TRMT9B: variants seen among roughly 807,000 people sequenced by gnomAD.
TRMT9B encodes tRNA methyltransferase 9B (putative), also known as probable tRNA methyltransferase 9B.
TRMT9B carries 16 observed loss-of-function variants against 11.5 expected under a neutral mutation model. The observed-to-expected ratio is 1.39, with a 90% CI of 0.94 to 2.11. TRMT9B has a LOEUF of 2.11. Ranked by LOEUF, TRMT9B falls within the 30% of genes most tolerant of loss-of-function variation. TRMT9B has a pLI of 0.00. For synonymous variants in TRMT9B, 274 were observed against 192.4 expected, an observed-to-expected ratio of 1.42 and a Z score of -3.51; for missense variants, 941 against 553.8, an observed-to-expected ratio of 1.70 and a Z score of -7.02.
chr8:13,001,854 G>T (rs2128886654), intron 2 of TRMT9B, among the ~76,000 whole-genome samples: 1 of 152,248 alleles, frequency 6.6e-6, no homozygotes, highest in East Asian at 1.9e-4. Flanking sequence ...ACACAGATTA[G>T]GAATCCTGGC....
intron 1 of TRMT9B, among the ~76,000 whole-genome samples, chr8:12,953,592 A>G (rs980670701): frequency 1.3e-5 from 2 of 152,136 alleles, no homozygotes; most frequent in African/African-American, 4.8e-5. Context: ...ACCTCAAATG[A>G]TCCACCCACC....
chr8:13,019,570 T>G (rs768519947), intron 4 of TRMT9B, among the ~76,000 whole-genome samples: 3 of 152,174 alleles, frequency 2.0e-5, no homozygotes, highest in Non-Finnish European at 2.9e-5. Context: ...CTGGGATTAC[T>G]GGCATGAGCC....
chr8:13,007,472 T>C (rs1174825052), intron 3 of TRMT9B: 1 of 152,142 alleles, frequency 6.6e-6, no homozygotes, highest in Non-Finnish European at 1.5e-5. Context: ...AAGTCTGTAG[T>C]TGCAAAGTGT....
At chr8:12,986,795 T>C (rs979292333) in intron 1 of TRMT9B, among the ~76,000 whole-genome samples, 6 of 152,226 alleles carry the variant, frequency 3.9e-5, no homozygotes. Flanking sequence ...GTCCTATTAA[T>C]TTGGTTCTTT....
chr8:12,985,948 C>A (rs565248322), intron 1 of TRMT9B, among the ~76,000 whole-genome samples: 53 of 152,216 alleles, frequency 3.5e-4, no homozygotes, highest in Non-Finnish European at 5.9e-4. Flanking sequence ...GCAACCTCCG[C>A]CTCCCAGGTT....
At chr8:13,019,729 A>T (rs1813453757) in intron 4 of TRMT9B, among the ~76,000 whole-genome samples, 1 of 152,222 alleles carries the variant, frequency 6.6e-6, no homozygotes, top group Non-Finnish European at 1.5e-5. Flanking sequence ...TATGCTTTCA[A>T]ATGAGCCATA....
chr8:12,970,623 A>C (rs1359192534), intron 1 of TRMT9B, among the ~76,000 whole-genome samples: 1 of 152,226 alleles, frequency 6.6e-6, no homozygotes, highest in Admixed American at 6.5e-5. Context: ...TGAGATGGTT[A>C]ATGCAGCTGT....
chr8:12,949,070 G>A (rs547633172), intron 1 of TRMT9B, among the ~76,000 whole-genome samples: 21 of 152,276 alleles, frequency 1.4e-4, no homozygotes, highest in African/African-American at 4.6e-4. Flanking sequence ...CAGAGAAAAC[G>A]TATTGTTTCT....
intron 4 of TRMT9B, among the ~76,000 whole-genome samples, chr8:13,018,724 T>C (rs1813270933): frequency 6.6e-6 from 1 of 152,196 alleles, no homozygotes; most frequent in Non-Finnish European, 1.5e-5. Context: ...TGTTTCTGTT[T>C]AAAGACAGTT....
intron 4 of TRMT9B, among the ~76,000 whole-genome samples, chr8:13,016,999 C>G (rs1179328292): frequency 6.6e-6 from 1 of 151,320 alleles, no homozygotes; most frequent in African/African-American, 2.4e-5. Flanking sequence ...TAGTGCATGC[C>G]TGTAATCTCA....
chr8:13,001,353 G>A (rs1309800520), intron 2 of TRMT9B, among the ~76,000 whole-genome samples: 1 of 152,178 alleles, frequency 6.6e-6, no homozygotes, highest in Non-Finnish European at 1.5e-5. Flanking sequence ...GGAGGCACAA[G>A]GCTCAGAAGC....
At chr8:12,965,551 C>T (rs1802697147) in intron 1 of TRMT9B, among the ~76,000 whole-genome samples, 1 of 152,090 alleles carries the variant, frequency 6.6e-6, no homozygotes, top group Non-Finnish European at 1.5e-5. Context: ...GCTGACCTGT[C>T]TGATGACCCG....
rs143993760 is a variant in TRMT9B at position 13,004,171 on chromosome 8, G to C, written c.-1-2031G>C. 2.1e-4 allele frequency among the ~76,000 whole-genome samples: 32 copies of C among 152,062 alleles called. 1 individual carries two copies. Among genetic ancestry groups the C allele is most frequent in the African/African-American group, 5.5e-4 (23 of 41,540 alleles). On this transcript the variant is annotated intron_variant, in intron 2 of 4. Transcript: ENST00000524591. ...AGCAGTCTGAACTTGAGTTCCGGCA[G>C]GCCTCACCACTGTAGGCTAAAGGGC... is the stretch of plus-strand genomic sequence containing the variant.
intron 1 of TRMT9B, among the ~76,000 whole-genome samples, chr8:12,980,190 C>T (rs969447216): frequency 6.6e-6 from 1 of 152,114 alleles, no homozygotes; most frequent in East Asian, 1.9e-4. Flanking sequence ...GCGGGGCCTG[C>T]TCCCTTTGAA....
Position 13,021,823 on chromosome 8 carries a change from G to C in TRMT9B, c.1144G>C (p.Val382Leu). Residue 382 changes from valine (V) to leucine (L), a missense_variant, in exon 5 of 5, where the codon GTT becomes CTT. Physicochemically the swap from Val to Leu is conservative, Grantham distance 32. Coordinates refer to ENST00000524591, the MANE Select transcript of TRMT9B (RefSeq NM_020844.3). ...TAAAATATTGAGAAGGATTTCTGCA[G>C]TTGATTCCACAGATTTCAACCCAGA... ...ASKILRRISA[V>L]DSTDFNPDDT... 2 of 1,613,724 alleles carry C rather than the reference G, an allele frequency of 1.2e-6. No individual in the cohort carries two copies. Among genetic ancestry groups the C allele is most frequent in the Non-Finnish European group, 1.7e-6 (2 of 1,179,732 alleles).
rs61536433 is a variant in TRMT9B, at chr8:12,959,516, CTTTTTTTTT to C, written c.-200+13565_-200+13573del. On this transcript the variant is annotated intron_variant, in intron 1 of 4. Transcript: ENST00000524591. ...TCTCCTCTCCTTTCCTTTTTCCTTCCTTTTTTTTTTTTTTTTTTTTTTTGACAGAGTCTT... is the reference window on the plus strand; with the variant it reads ...TCTCCTCTCCTTTCCTTTTTCCTTCCTTTTTTTTTTTTTTGACAGAGTCTT... 1.2e-3 allele frequency among the ~76,000 whole-genome samples: 92 copies of C among 74,940 alleles called. 1 individual carries two copies. Among genetic ancestry groups the C allele is most frequent in the African/African-American group, 4.3e-3 (86 of 19,966 alleles). 49.2% of individuals were successfully genotyped at this position (74,940 alleles called of 152,430 possible). A position where few individuals can be genotyped will look rare whatever the true frequency, so the allele number is the denominator to read the frequency against.
chr8:13,016,564 A>G (rs901694683), intron 4 of TRMT9B, among the ~76,000 whole-genome samples: 3 of 151,796 alleles, frequency 2.0e-5, no homozygotes, highest in African/African-American at 7.3e-5. Flanking sequence ...ATCTTTTAAT[A>G]ATAATGTGAG....
At chr8:13,010,695 C>G in intron 3 of TRMT9B, 2 of 984,786 alleles carry the variant, frequency 2.0e-6, no homozygotes, top group Non-Finnish European at 2.4e-6. Context: ...TTATTAATAT[C>G]ATTGAAGTAA....
intron 3 of TRMT9B, among the ~76,000 whole-genome samples, chr8:13,008,728 TA>T (rs1384281481): frequency 2.0e-5 from 3 of 151,946 alleles, no homozygotes; most frequent in Non-Finnish European, 2.9e-5. Flanking sequence ...GAAATCTAGA[TA>T]ATTTTTTTTT....
Sources: gnomAD v4.1 joint callset for allele counts (sites outside exome capture counted in the v4.1 genomes callset) on GRCh38, gnomAD v4.1.1 for gene constraint, MANE v1.5 for transcripts, NCBI Gene and HGNC (gene_info 2026-07-23, HGNC 2026-07-21) for gene names.